The following FHIT variants were observed in gnomAD, a reference collection of about 807,000 sequenced individuals.
FHIT encodes the protein fragile histidine triad diadenosine triphosphatase.
Under a neutral mutation model 17.9 loss-of-function variants are expected in FHIT, and 19 were observed. The observed-to-expected ratio is 1.06, with a 90% CI of 0.74 to 1.56. FHIT has a LOEUF of 1.56. Among genes scored for constraint, FHIT ranks in the 40% most tolerant of loss-of-function variants. The probability of loss-of-function intolerance (pLI) is 0.00; values close to 1 mark genes in which losing one functional copy is unlikely to be tolerated. For synonymous variants in FHIT, 81 were observed against 69.7 expected (o/e 1.16, Z -0.81); for missense variants, 248 against 189.2 (o/e 1.31, Z -1.82).
At chr3:60,466,941 A>G (rs2032830335) in intron 5 of FHIT, among the ~76,000 whole-genome samples, 1 of 151,752 alleles carries the variant, frequency 6.6e-6, no homozygotes, top group South Asian at 2.1e-4. Context: ...CAGTTTGAGT[A>G]GCATTGGTAT....
intron 5 of FHIT, among the ~76,000 whole-genome samples, chr3:60,168,659 C>T (rs779805024): frequency 3.3e-5 from 5 of 152,118 alleles, no homozygotes; most frequent in East Asian, 1.9e-4. Flanking sequence ...AAGGAAGAAC[C>T]GTGTTTTTGA....
intron 8 of FHIT, among the ~76,000 whole-genome samples, chr3:59,768,611 ACTT>A (rs1199141803): frequency 0.012 from 1,787 of 152,288 alleles, 2 homozygotes; most frequent in African/African-American, 0.041. Flanking sequence ...CTTTTCTTTG[ACTT>A]CCCAGACATC....
intron 3 of FHIT, among the ~76,000 whole-genome samples, chr3:61,036,913 TG>T (rs775850415): frequency 0.099 from 11,817 of 119,740 alleles, 838 homozygotes; most frequent in East Asian, 0.14. Flanking sequence ...TTTTTTTTTT[TG>T]TTTGTTTGTT....
intron 5 of FHIT, among the ~76,000 whole-genome samples, chr3:60,302,542 C>G (rs1040487882): frequency 1.3e-5 from 2 of 152,050 alleles, no homozygotes; most frequent in African/African-American, 4.8e-5. Context: ...ATCACAGTGC[C>G]TAGGACATTG....
intron 2 of FHIT, among the ~76,000 whole-genome samples, chr3:61,184,044 A>G (rs191161938): frequency 2.5e-4 from 38 of 152,220 alleles, no homozygotes; most frequent in Non-Finnish European, 4.1e-4. Context: ...TTTCTAAATC[A>G]GAAAGATGAG....
intron 4 of FHIT, among the ~76,000 whole-genome samples, chr3:60,684,259 T>C (rs781801775): frequency 6.6e-6 from 1 of 151,996 alleles, no homozygotes; most frequent in Non-Finnish European, 1.5e-5. Flanking sequence ...AGCATTTAGG[T>C]CTCCCAAAAT....
intron 4 of FHIT, among the ~76,000 whole-genome samples, chr3:60,573,196 A>C (rs1286813643): frequency 6.6e-6 from 1 of 152,108 alleles, no homozygotes; most frequent in African/African-American, 2.4e-5. Flanking sequence ...ATGGAATGCA[A>C]TCATGAGGAC....
intron 5 of FHIT, among the ~76,000 whole-genome samples, chr3:60,408,966 T>C (rs1338460480): frequency 6.6e-6 from 1 of 151,834 alleles, no homozygotes; most frequent in Non-Finnish European, 1.5e-5. Flanking sequence ...TAGCACAGAG[T>C]TTAGGGACTC....
At chr3:60,962,257 T>C (rs1413963281) in intron 3 of FHIT, among the ~76,000 whole-genome samples, 1 of 152,192 alleles carries the variant, frequency 6.6e-6, no homozygotes, top group Non-Finnish European at 1.5e-5. Flanking sequence ...TAAGAATGCT[T>C]GTGATTTTTT....
intron 5 of FHIT, among the ~76,000 whole-genome samples, chr3:60,353,145 G>T (rs1334748058): frequency 6.6e-6 from 1 of 151,998 alleles, no homozygotes; most frequent in East Asian, 1.9e-4. Flanking sequence ...CTTCAACTAT[G>T]ACCCCTTCTT....
chr3:60,320,707 T>C (rs1334541366), intron 5 of FHIT, among the ~76,000 whole-genome samples: 2 of 152,114 alleles, frequency 1.3e-5, no homozygotes, highest in Admixed American at 6.6e-5. Context: ...AATGAAAAGA[T>C]TTCTATAAAA....
At chr3:60,448,804 C>T (rs1279960411) in intron 5 of FHIT, among the ~76,000 whole-genome samples, 2 of 152,166 alleles carry the variant, frequency 1.3e-5, no homozygotes, top group Admixed American at 1.3e-4. Context: ...TTCCCTACTA[C>T]ATCTCACTAA....
At chr3:60,505,681 G>T (rs2034700434) in intron 5 of FHIT, among the ~76,000 whole-genome samples, 1 of 152,052 alleles carries the variant, frequency 6.6e-6, no homozygotes, top group African/African-American at 2.4e-5. Flanking sequence ...CTCTGTTTTT[G>T]ATTGCTATTT....
chr3:61,158,620 T>C (rs1237805776), intron 2 of FHIT, among the ~76,000 whole-genome samples: 3 of 138,494 alleles, frequency 2.2e-5, no homozygotes, highest in Admixed American at 1.6e-4. Context: ...TCCCTCCTTT[T>C]ACCTTTTCCA....
intron 3 of FHIT, among the ~76,000 whole-genome samples, chr3:60,843,283 C>G: frequency 6.6e-6 from 1 of 152,002 alleles, no homozygotes; most frequent in East Asian, 1.9e-4. Context: ...AAGTCTCATA[C>G]GACAGGTTTT....
At chr3:60,250,575 A>C (rs902123123) in intron 5 of FHIT, among the ~76,000 whole-genome samples, 1 of 152,142 alleles carries the variant, frequency 6.6e-6, no homozygotes, top group Non-Finnish European at 1.5e-5. Context: ...GTCAATTACA[A>C]TTTAGAATTT....
At chr3:60,394,846 T>A (rs1157701865) in intron 5 of FHIT, among the ~76,000 whole-genome samples, 1 of 152,192 alleles carries the variant, frequency 6.6e-6, no homozygotes, top group Non-Finnish European at 1.5e-5. Flanking sequence ...AGAAGGATAG[T>A]GGCTGAGAGT....
intron 8 of FHIT, among the ~76,000 whole-genome samples, chr3:59,911,835 G>A (rs1273954546): frequency 6.6e-6 from 1 of 152,188 alleles, no homozygotes; most frequent in Non-Finnish European, 1.5e-5. Flanking sequence ...AATGCAGGGG[G>A]CTGGGGAAGT....
rs139927383 is a variant in FHIT, at chr3:60,132,863, C to T, written c.104-118711G>A. 1.8e-3 allele frequency among the ~76,000 whole-genome samples: 272 copies of T among 152,292 alleles called. 2 individuals are homozygous for T. Among genetic ancestry groups the T allele is most frequent in the African/African-American group, 6.2e-3 (257 of 41,568 alleles). On this transcript the variant is annotated intron_variant, in intron 5 of 9. Coordinates refer to ENST00000492590, the MANE Select transcript of FHIT (RefSeq NM_002012.4). ...ATCAAAATTCCTGTTGCTAAACCCA[C>T]CATCTAACACCTTTTATCACATTTG...
Sources: gnomAD v4.1 joint callset for allele counts (sites outside exome capture counted in the v4.1 genomes callset) on GRCh38, gnomAD v4.1.1 for gene constraint, MANE v1.5 for transcripts, NCBI Gene and HGNC (gene_info 2026-07-23, HGNC 2026-07-21) for gene names.